The following NWD1 variants were observed in gnomAD, a reference collection of about 807,000 sequenced individuals.
The protein encoded by NWD1 is NACHT domain- and WD repeat-containing protein 1.
A neutral mutation model predicts 135.1 loss-of-function variants in NWD1; 129 were observed. The ratio of observed to expected loss-of-function variants is 0.96; its 90% CI spans 0.83 to 1.11. NWD1 has a LOEUF of 1.11. Among genes scored for constraint, NWD1 ranks in the 50% least tolerant of loss-of-function variants. NWD1 has a pLI of 0.00. For synonymous variants in NWD1, 773 were observed against 786.0 expected (o/e 0.98, Z 0.28); for missense variants, 1,740 against 1,851.3 (o/e 0.94, Z 1.10).
rs377438799 is a variant in NWD1, at chr19:16,762,084, C to A, written c.2079C>A (p.Thr693=). 4 of 1,613,960 alleles carry A rather than the reference C, an allele frequency of 2.5e-6. No individual in the cohort carries two copies. In the African/African-American group the frequency reaches 4.0e-5, roughly 16 times the overall value. The change falls in exon 8 of 19, where the codon ACC becomes ACA. Residue 693 remains threonine (T), a synonymous_variant. Transcript: ENST00000524140. The stretch of plus-strand genomic sequence containing the variant: ...TCTCAGGGACCTGGAGCCAGGGTAC[C>A]AAGAAGCTCATCACTCTGCCACTTG... ...DFFSGTWSQG[T]KKLITLPLVG...
At chr19:16,741,410 G>A (rs1471569682) in intron 4 of NWD1, among the ~76,000 whole-genome samples, 1 of 147,556 alleles carries the variant, frequency 6.8e-6, no homozygotes, top group Non-Finnish European at 1.5e-5. Context: ...CTGTCGCCCA[G>A]GCTGGAGTGC....
In NWD1 at chr19:16,808,108, G is replaced by A. The variant is rs375293723; in HGVS notation, c.4259G>A (p.Arg1420His). The A allele has an allele frequency of 2.5e-5, 41 of 1,613,796 alleles. No homozygotes were observed. The highest frequency in any genetic ancestry group is 8.0e-5 in the African/African-American group (6 of 74,910). The change falls in exon 18 of 19, where the codon CGC becomes CAC. Residue 1420 changes from arginine to histidine, a missense_variant. Physicochemically the swap from Arg to His is conservative, Grantham distance 29. Coordinates refer to ENST00000524140, the MANE Select transcript of NWD1 (RefSeq NM_001007525.5). ...ALLCLWDLQA[R>H]KWKFEMSYTA... ...CTGTGTCTCTGGGACCTGCAGGCACGCAAGTGGAAATTCGAGATGAGCTAC... is the reference window on the plus strand; with the variant it reads ...CTGTGTCTCTGGGACCTGCAGGCACACAAGTGGAAATTCGAGATGAGCTAC...
chr19:16,775,452 G>T (rs973238452), intron 11 of NWD1, among the ~76,000 whole-genome samples: 1 of 152,096 alleles, frequency 6.6e-6, no homozygotes, highest in African/African-American at 2.4e-5. Context: ...CATTTTCAGT[G>T]TAGGGCTGTC....
At chr19:16,791,905 G>A (rs1349676728) in intron 14 of NWD1, among the ~76,000 whole-genome samples, 1 of 152,042 alleles carries the variant, frequency 6.6e-6, no homozygotes, top group East Asian at 1.9e-4. Context: ...GTAGAGACAG[G>A]GTTTCTCCAT....
Position 16,765,023 on chromosome 19 carries a change from C to T in NWD1, c.2252-11C>T, listed in dbSNP as rs1969169528. Reference sequence around the variant, plus strand: ...GGCACTTCCCACATCCTCCCCCCTTCTCTCCCTCAGGCAGCATGAGCTGGA... The same window carrying T: ...GGCACTTCCCACATCCTCCCCCCTTTTCTCCCTCAGGCAGCATGAGCTGGA... On this transcript the variant is annotated splice_polypyrimidine_tract_variant and intron_variant, in intron 9 of 18. Transcript: ENST00000524140. 2.5e-6 allele frequency: 4 copies of T among 1,613,894 alleles called. No homozygotes were observed. The highest frequency in any genetic ancestry group is 3.4e-6 in the Non-Finnish European group (4 of 1,179,846).
In NWD1 at chr19:16,749,428, G is replaced by T. The variant is rs770098715; in HGVS notation, c.786G>T (p.Leu262=). The change falls in exon 6 of 19, where the codon CTG becomes CTT. Residue 262 remains leucine, a synonymous_variant. Coordinates refer to ENST00000524140, the MANE Select transcript of NWD1 (RefSeq NM_001007525.5). ...NPKNKTHACY[L]KELGEQFVVR... ...AGAACAAGACTCACGCCTGCTACCT[G>T]AAGGAGCTGGGTGAGCAGTTTGTGG... The T allele has an allele frequency of 1.2e-6, 2 of 1,613,910 alleles. No individual in the cohort carries two copies. The highest frequency in any genetic ancestry group is 1.7e-6 in the Non-Finnish European group (2 of 1,179,844).
chr19:16,795,939 C>G (rs981333103), intron 15 of NWD1, among the ~76,000 whole-genome samples: 1 of 152,146 alleles, frequency 6.6e-6, no homozygotes, highest in African/African-American at 2.4e-5. Context: ...GCTCTTGTCC[C>G]GTGTCCAAGA....
chr19:16,753,062 C>A (rs1968642432), intron 6 of NWD1, among the ~76,000 whole-genome samples: 1 of 152,244 alleles, frequency 6.6e-6, no homozygotes, highest in Non-Finnish European at 1.5e-5. Context: ...TTGGGCCATT[C>A]TGTTGAAGTT....
intron 12 of NWD1, among the ~76,000 whole-genome samples, chr19:16,784,581 T>C (rs940200630): frequency 2.0e-5 from 3 of 151,596 alleles, no homozygotes; most frequent in Non-Finnish European, 4.4e-5. Context: ...GGTTGGCGGG[T>C]CTACAGAACA....
At chr19:16,744,918 T>C in intron 5 of NWD1, 200 bp downstream of exon 5, 1 of 656,316 alleles carries the variant, frequency 1.5e-6, no homozygotes, top group Admixed American at 2.2e-5. Flanking sequence ...AATCTTGGTC[T>C]CAGGATCTTC....
At chr19:16,782,108 G>GA (rs199751769) in intron 12 of NWD1, among the ~76,000 whole-genome samples, 149 of 122,084 alleles carry the variant, frequency 1.2e-3, no homozygotes, top group African/African-American at 3.4e-3. Context: ...AAAAAAAAAA[G>GA]AAAAAAAAAA....
At chr19:16,773,536 A>G (rs770806078) in intron 11 of NWD1, among the ~76,000 whole-genome samples, 4 of 152,072 alleles carry the variant, frequency 2.6e-5, no homozygotes, top group Non-Finnish European at 5.9e-5. Context: ...AATTCTTCTA[A>G]TGAGCCCGAT....
chr19:16,745,565 C>CAAA (rs575940399), intron 5 of NWD1, among the ~76,000 whole-genome samples: 1 of 104,038 alleles, frequency 9.6e-6, no homozygotes. Context: ...CTCATCTCTA[C>CAAA]AAAAAAAAAA....
intron 17 of NWD1, among the ~76,000 whole-genome samples, chr19:16,804,154 T>C (rs1970684240): frequency 6.6e-6 from 1 of 152,070 alleles, no homozygotes; most frequent in South Asian, 2.1e-4. Context: ...GGGAAAGGGT[T>C]GAGCAAGAAT....
chr19:16,728,943 CAAAAAAAAA>C (rs59881448), intron 2 of NWD1, among the ~76,000 whole-genome samples: 11 of 98,740 alleles, frequency 1.1e-4, no homozygotes, highest in Non-Finnish European at 2.2e-4. Context: ...GACTCCATCT[CAAAAAAAAA>C]AAAAAAAAAA....
At chr19:16,791,087 A>G (rs1970227840) in intron 13 of NWD1, among the ~76,000 whole-genome samples, 1 of 151,918 alleles carries the variant, frequency 6.6e-6, no homozygotes, top group Admixed American at 6.6e-5. Flanking sequence ...ATTTAAAAAT[A>G]GCCAGGCATG....
intron 9 of NWD1, among the ~76,000 whole-genome samples, chr19:16,764,316 C>T (rs1473297255): frequency 6.6e-6 from 1 of 152,108 alleles, no homozygotes; most frequent in Admixed American, 6.6e-5. Flanking sequence ...ATTTGTCAGT[C>T]TGTTCATCCA....
chr19:16,765,020 C>G lies in NWD1; in HGVS notation c.2252-14C>G. ...GTAGGCACTTCCCACATCCTCCCCC[C>G]TTCTCTCCCTCAGGCAGCATGAGCT... On this transcript the variant is annotated splice_polypyrimidine_tract_variant and intron_variant, in intron 9 of 18. Coordinates refer to ENST00000524140, the MANE Select transcript of NWD1 (RefSeq NM_001007525.5). The G allele has an allele frequency of 1.9e-6, 3 of 1,613,824 alleles. No individual in the cohort carries two copies. The highest frequency in any genetic ancestry group is 2.5e-6 in the Non-Finnish European group (3 of 1,179,838).
intron 1 of NWD1, chr19:16,721,288 C>T (rs1967127264): frequency 6.6e-6 from 1 of 152,002 alleles, no homozygotes; most frequent in African/African-American, 2.4e-5. Context: ...ATGATCTGGC[C>T]TCAAATGTTT....
Sources: gnomAD v4.1 joint callset for allele counts (sites outside exome capture counted in the v4.1 genomes callset) on GRCh38, gnomAD v4.1.1 for gene constraint, MANE v1.5 for transcripts, NCBI Gene and HGNC (gene_info 2026-07-23, HGNC 2026-07-21) for gene names.